Variants in TOX3 observed in about 807,000 individuals in gnomAD.
TOX3 encodes CAG trinucleotide repeat-containing gene F9 protein.
Under a neutral mutation model 64.3 loss-of-function variants are expected in TOX3, and 22 were observed. The ratio of observed to expected loss-of-function variants is 0.34; its 90% CI spans 0.24 to 0.49. TOX3 has a LOEUF of 0.49. Ranked by LOEUF, TOX3 falls within the 20% of genes least tolerant of loss-of-function variation. The pLI, the probability that TOX3 is intolerant of heterozygous loss-of-function variation, is 0.99. For synonymous variants in TOX3, 291 were observed against 273.6 expected, an observed-to-expected ratio of 1.06 and a Z score of -0.63; for missense variants, 661 against 714.4, an observed-to-expected ratio of 0.93 and a Z score of 0.85.
intron 6 of TOX3, among the ~76,000 whole-genome samples, chr16:52,440,752 CTTTTTTTTTTT>C (rs60615310): frequency 3.0e-5 from 2 of 66,606 alleles, no homozygotes; most frequent in African/African-American, 9.8e-5. Context: ...TTCTTTCTTT[CTTTTTTTTTTT>C]TTTTTTTTTT....
At chr16:52,446,858 T>C (rs1016556252) in intron 4 of TOX3, among the ~76,000 whole-genome samples, 5 of 152,292 alleles carry the variant, frequency 3.3e-5, no homozygotes, top group Admixed American at 2.6e-4. Context: ...ATGTCAAAAC[T>C]ACTTTAAGTG....
intron 1 of TOX3, among the ~76,000 whole-genome samples, chr16:52,523,685 T>C (rs1962662826): frequency 6.6e-6 from 1 of 152,230 alleles, no homozygotes; most frequent in Non-Finnish European, 1.5e-5. Flanking sequence ...AATACTCTAT[T>C]TCACTGGAAT....
chr16:52,514,876 T>C (rs1361161864), intron 1 of TOX3, among the ~76,000 whole-genome samples: 2 of 151,682 alleles, frequency 1.3e-5, no homozygotes, highest in African/African-American at 4.8e-5. Flanking sequence ...CCGGGCATGG[T>C]GGCAGGCACC....
At chr16:52,505,802 C>A (rs954625867) in intron 1 of TOX3, among the ~76,000 whole-genome samples, 1 of 152,094 alleles carries the variant, frequency 6.6e-6, no homozygotes, top group African/African-American at 2.4e-5. Flanking sequence ...CATAGGGAGA[C>A]CCCGTCCTAC....
chr16:52,513,275 A>G (rs1962359854), intron 1 of TOX3, among the ~76,000 whole-genome samples: 1 of 152,196 alleles, frequency 6.6e-6, no homozygotes, highest in Non-Finnish European at 1.5e-5. Context: ...AGGTAATACA[A>G]TGTTACTTCT....
At chr16:52,464,228 C>A in intron 2 of TOX3, 40 bp from the exon 3 acceptor site, 2 of 1,412,112 alleles carry the variant, frequency 1.4e-6, no homozygotes, top group Non-Finnish European at 1.9e-6. Flanking sequence ...ATATTCTGTT[C>A]CTATATCTTA....
chr16:52,468,551 C>T lies in TOX3; in HGVS notation c.111G>A (p.Met37Ile), dbSNP rs758274251. Reference sequence around the variant, plus strand: ...ACGCATTGTTCGCCTCAGCCATATTCATATAGTTATTATTATTTCCAAACT... The same window carrying T: ...ACGCATTGTTCGCCTCAGCCATATTTATATAGTTATTATTATTTCCAAACT... ...YSKFGNNNNYMNMAEANNAFF... is the reference protein window; with the variant it reads ...YSKFGNNNNYINMAEANNAFF... Residue 37 changes from methionine to isoleucine, a missense_variant, in exon 2 of 7, where the codon ATG becomes ATA. Physicochemically the swap from Met to Ile is conservative, Grantham distance 10. Coordinates refer to ENST00000219746, the MANE Select transcript of TOX3 (RefSeq NM_001080430.4). 1 of 1,612,500 alleles carries T rather than the reference C, an allele frequency of 6.2e-7. No homozygotes were observed. Among genetic ancestry groups the T allele is most frequent in the African/African-American group, 1.3e-5 (1 of 74,866 alleles).
At chr16:52,509,374 A>T (rs775631499) in intron 1 of TOX3, among the ~76,000 whole-genome samples, 3 of 152,198 alleles carry the variant, frequency 2.0e-5, no homozygotes, top group Admixed American at 6.5e-5. Context: ...TTATGCATGA[A>T]CCTTTTAATT....
In TOX3 at chr16:52,436,545, C is replaced by A. The variant is rs190285284; in HGVS notation, c.*2680G>T. On this transcript the variant is annotated 3_prime_UTR_variant, in exon 7 of 7. Transcript: ENST00000219746. ...GAAATATAAATGGATATATAACATG[C>A]TTTGTGAATCCTGAAAACAATAATT... Among the ~76,000 whole-genome samples, 2 of 152,088 alleles carry A rather than the reference C, an allele frequency of 1.3e-5. No individual in the cohort carries two copies. The highest frequency in any genetic ancestry group is 4.8e-5 in the African/African-American group (2 of 41,408).
Position 52,437,810 on chromosome 16 carries a change from A to G in TOX3, c.*1415T>C, listed in dbSNP as rs1192757669. 2.0e-5 allele frequency among the ~76,000 whole-genome samples: 3 copies of G among 151,428 alleles called. No homozygotes were observed. The highest frequency in any genetic ancestry group is 1.3e-4 in the Admixed American group (2 of 15,224). On this transcript the variant is annotated 3_prime_UTR_variant, in exon 7 of 7. Transcript: ENST00000219746. ...ATCTTAAAAAAAAAAAAAAAAAAAAAAAAGACAATTACACAAATATTTCCA... is the reference window on the plus strand; with the variant it reads ...ATCTTAAAAAAAAAAAAAAAAAAAAGAAAGACAATTACACAAATATTTCCA...
In TOX3 at chr16:52,507,052, T is replaced by C. The variant is rs573104147; in HGVS notation, c.88-38478A>G. Among the ~76,000 whole-genome samples the C allele has an allele frequency of 3.9e-5, 6 of 152,330 alleles. No homozygotes were observed. In the South Asian group the frequency reaches 1.2e-3, roughly 32 times the overall value. On this transcript the variant is annotated intron_variant, in intron 1 of 6. Coordinates refer to ENST00000219746, the MANE Select transcript of TOX3 (RefSeq NM_001080430.4). The stretch of plus-strand genomic sequence containing the variant: ...AGAGACCCATAGAGTTCACATGTAA[T>C]GTTAAAATGTTCGGCACTTCACTTC...
chr16:52,436,833 G>C lies in TOX3; in HGVS notation c.*2392C>G, dbSNP rs1007350420. On this transcript the variant is annotated 3_prime_UTR_variant, in exon 7 of 7. Transcript: ENST00000219746. ...CACTTGCAATTAAGTCTTATCACTA[G>C]TGACATTTTTTTCCAAGCAATACTT... The C allele has an allele frequency of 6.6e-6, 1 of 152,182 alleles. No homozygotes were observed. Among genetic ancestry groups the C allele is most frequent in the Admixed American group, 6.5e-5 (1 of 15,292 alleles). 9.4% of individuals were successfully genotyped at this position (152,182 alleles called of 1,614,324 possible).
chr16:52,496,986 C>T (rs912033375), intron 1 of TOX3, among the ~76,000 whole-genome samples: 13 of 151,710 alleles, frequency 8.6e-5, no homozygotes, highest in African/African-American at 2.9e-4. Context: ...CTAATGTAGA[C>T]GGATGTTAAG....
intron 3 of TOX3, among the ~76,000 whole-genome samples, chr16:52,460,165 T>A (rs1960645011): frequency 2.0e-5 from 3 of 152,192 alleles, no homozygotes; most frequent in Admixed American, 2.0e-4. Flanking sequence ...AATTTTCTAA[T>A]ACTCCGTTTG....
chr16:52,464,539 C>T (rs1164471823), intron 2 of TOX3, among the ~76,000 whole-genome samples: 1 of 152,140 alleles, frequency 6.6e-6, no homozygotes, highest in Admixed American at 6.5e-5. Context: ...TGACACTATC[C>T]ACATGCTTTA....
chr16:52,530,066 C>T (rs887946535), intron 1 of TOX3, among the ~76,000 whole-genome samples: 3 of 152,202 alleles, frequency 2.0e-5, no homozygotes, highest in African/African-American at 7.2e-5. Context: ...AAGGCATCTT[C>T]TTCATGCCAT....
At chr16:52,539,027 T>G (rs1262963862) in intron 1 of TOX3, among the ~76,000 whole-genome samples, 2 of 152,062 alleles carry the variant, frequency 1.3e-5, no homozygotes, top group East Asian at 1.9e-4. Context: ...GTAAGTATAC[T>G]CAACAAAAAT....
intron 1 of TOX3, among the ~76,000 whole-genome samples, chr16:52,500,541 A>G (rs1262187186): frequency 1.3e-5 from 2 of 152,174 alleles, no homozygotes; most frequent in African/African-American, 4.8e-5. Context: ...GAAAATCTAT[A>G]ATCCTACTAG....
intron 1 of TOX3, among the ~76,000 whole-genome samples, chr16:52,522,912 G>A (rs1020310704): frequency 5.3e-5 from 8 of 152,170 alleles, no homozygotes; most frequent in Non-Finnish European, 5.9e-5. Context: ...CTTCATGGAT[G>A]AAGGCCTCCT....
Sources: gnomAD v4.1 joint callset for allele counts (sites outside exome capture counted in the v4.1 genomes callset) on GRCh38, gnomAD v4.1.1 for gene constraint, MANE v1.5 for transcripts, NCBI Gene and HGNC (gene_info 2026-07-23, HGNC 2026-07-21) for gene names.